Variants in FSCN3 observed in about 807,000 individuals in gnomAD.
FSCN3 encodes the protein fascin actin-bundling protein 3.
In FSCN3, 43 loss-of-function variants were observed where a neutral mutation model predicts 53.5. That is an observed-to-expected ratio of 0.80 (90% CI 0.63 to 1.04). The LOEUF is 1.04. FSCN3 is among the 50% of genes least tolerant of loss of function. The pLI is 0.00. For missense variants in FSCN3, 594 were observed against 646.5 expected (o/e 0.92, Z 0.88); for synonymous variants, 235 against 246.6 (o/e 0.95, Z 0.44).
At chr7:127,596,177 G>C in intron 2 of FSCN3, 151 bp from the exon 3 acceptor site, 1 of 1,495,788 alleles carries the variant, frequency 6.7e-7, no homozygotes, top group Non-Finnish European at 8.9e-7. Flanking sequence ...TGGGATTTAG[G>C]GGAAAGTTGC....
chr7:127,595,313 G>A lies in FSCN3; in HGVS notation c.151G>A (p.Glu51Lys). Residue 51 changes from glutamate (E) to lysine (K), a missense_variant, in exon 2 of 7, where the codon GAG becomes AAG. By Grantham distance (56) the Glu-to-Lys change is moderately conservative. Transcript: ENST00000265825. ...TCCCTCCTGATGCCTCCAGACCTGGGAGATCTTGGTGAGCAATGAGCATGA... is the reference window on the plus strand; with the variant it reads ...TCCCTCCTGATGCCTCCAGACCTGGAAGATCTTGGTGAGCAATGAGCATGA... ...AKSLGRRQTW[E>K]ILVSNEHETQ... 1 of 1,609,054 alleles carries A rather than the reference G, an allele frequency of 6.2e-7. No homozygotes were observed.
chr7:127,594,434 A>G (rs1794352522), intron 1 of FSCN3: 2 of 468,944 alleles, frequency 4.3e-6, no homozygotes, highest in South Asian at 1.6e-5. Context: ...CGCAAGGTGA[A>G]GCCTCAGCCT....
At position 127,595,870 on chromosome 7, in the gene FSCN3, T is replaced by G; in HGVS notation, c.708T>G (p.Tyr236Ter). The G allele has an allele frequency of 1.2e-6, 2 of 1,613,812 alleles. No homozygotes were observed. Among genetic ancestry groups the G allele is most frequent in the Non-Finnish European group, 1.7e-6 (2 of 1,179,838 alleles). ...ALCDGEGGML[Y>*]PQGTHLLLGM... ...GTGATGGAGAAGGAGGCATGTTATA[T>G]CCACAGGGCACGCATCTGCTCTTGG... The change falls in exon 2 of 7, where the codon TAT (tyrosine) becomes TAG (stop). Residue 236 changes from tyrosine (Y) to a stop codon, truncating the protein, a stop_gained. Transcript: ENST00000265825. LOFTEE classifies it high-confidence loss of function.
In FSCN3 at chr7:127,593,843, G is replaced by T. The variant is rs753312588; in HGVS notation, c.-11G>T. ...GGGCCAGACGGAGACATCACCTGTG[G>T]TGTCAGCCCCATGGATGAGACAGAG... On this transcript the variant is annotated 5_prime_UTR_variant, in exon 1 of 7. Transcript: ENST00000265825. 6.4e-7 allele frequency: 1 copy of T among 1,559,688 alleles called. No individual in the cohort carries two copies. Among genetic ancestry groups the T allele is most frequent in the South Asian group, 1.2e-5 (1 of 84,556 alleles).
rs758727176 is a variant in FSCN3, at chr7:127,598,540, C to CG, written c.1067dup (p.Phe357LeufsTer21). 2 of 1,613,566 alleles carry CG rather than the reference C, an allele frequency of 1.2e-6. No individual in the cohort carries two copies. Among genetic ancestry groups the CG allele is most frequent in the South Asian group, 2.2e-5 (2 of 91,054 alleles). ...GATCATCCTGCAGTCCTGCAGGGGG[C>CG]GCTTCCTGGGCATTGCACCCAACAG... On this transcript the variant is annotated frameshift_variant, in exon 4 of 7. Coordinates refer to ENST00000265825, the MANE Select transcript of FSCN3 (RefSeq NM_020369.3). LOFTEE classifies it high-confidence loss of function.
chr7:127,596,670 CAT>C (rs988756598), intron 3 of FSCN3: 20 of 316,328 alleles, frequency 6.3e-5, no homozygotes, highest in Admixed American at 1.4e-4. Flanking sequence ...ATATAATACA[CAT>C]ATGTATAAAT....
chr7:127,597,725 G>A (rs537022553), intron 3 of FSCN3, among the ~76,000 whole-genome samples: 8 of 152,074 alleles, frequency 5.3e-5, no homozygotes, highest in South Asian at 2.1e-4. Flanking sequence ...TGATCTGCCC[G>A]TGTCAGCCTC....
intron 4 of FSCN3, among the ~76,000 whole-genome samples, chr7:127,598,821 A>G (rs987513771): frequency 2.6e-5 from 4 of 152,020 alleles, no homozygotes; most frequent in African/African-American, 4.8e-5. Context: ...TTAACCAGAC[A>G]TGGTGGTGCG....
chr7:127,594,894 G>A (rs962069416), intron 1 of FSCN3: 5 of 475,618 alleles, frequency 1.1e-5, no homozygotes, highest in African/African-American at 9.9e-5. Flanking sequence ...ATGCTGGAAG[G>A]CAACCTTTGG....
chr7:127,600,059 T>G (rs1375120953), intron 5 of FSCN3, 135 bp from the exon 6 acceptor site: 10 of 622,076 alleles, frequency 1.6e-5, no homozygotes, highest in Non-Finnish European at 2.9e-6. Context: ...TGCATTTCCA[T>G]AGAAGGACCC....
intron 6 of FSCN3, 25 bp downstream of exon 6, chr7:127,600,424 G>C (rs371780754): frequency 1.4e-6 from 2 of 1,408,706 alleles, no homozygotes; most frequent in Non-Finnish European, 2.0e-6. Context: ...CAGGTAAGGG[G>C]CTAGGGGAGC....
In FSCN3 at chr7:127,595,952, A is replaced by G. The variant is rs1376348855; in HGVS notation, c.790A>G (p.Thr264Ala). The G allele has an allele frequency of 6.3e-7, 1 of 1,587,056 alleles. No individual in the cohort carries two copies. Among genetic ancestry groups the G allele is most frequent in the Admixed American group, 1.7e-5 (1 of 57,646 alleles). Residue 264 changes from threonine (T) to alanine (A), a missense_variant, in exon 2 of 7, where the codon ACC becomes GCC. By Grantham distance (58) the Thr-to-Ala change is moderately conservative. Transcript: ENST00000265825. ...EEWFILQHCP[T>A]WVSLRSKTGR... is the part of the protein sequence containing the mutation. Reference sequence around the variant, plus strand: ...GTGGTTCATCCTACAGCACTGCCCAACCTGGGTCAGCCTCAGGTCAAAGAC... The same window carrying G: ...GTGGTTCATCCTACAGCACTGCCCAGCCTGGGTCAGCCTCAGGTCAAAGAC...
chr7:127,596,003 G>C lies in FSCN3; in HGVS notation c.841G>C (p.Asp281His). Residue 281 changes from aspartate to histidine, a missense_variant and splice_region_variant, in exon 2 of 7, where the codon GAT becomes CAT. Asp to His is a moderately conservative substitution (Grantham distance 81, BLOSUM62 -1). Transcript: ENST00000265825. ...TGGGCGGTTCATCTCAGTCATCTAC[G>C]GCAAGTGCTGGACCCAACACAGATG... ...KTGRFISVIY[D>H]GEVRAASERL... The C allele has an allele frequency of 1.3e-6, 2 of 1,544,000 alleles. No individual in the cohort carries two copies. Among genetic ancestry groups the C allele is most frequent in the Non-Finnish European group, 1.7e-6 (2 of 1,145,062 alleles).
At position 127,599,541 on chromosome 7, in the gene FSCN3, C is replaced by T. The variant is rs761250404; in HGVS notation, c.1281C>T (p.Tyr427=). 1.2e-5 allele frequency: 20 copies of T among 1,613,992 alleles called. 1 individual carries two copies. In the South Asian group the frequency reaches 2.2e-4, roughly 18 times the overall value. The stretch of plus-strand genomic sequence containing the variant: ...TACTACCCTGCCGACCGGGTATCTA[C>T]CACTTCCAGGGTGAGTGGCTCCTCT... ...IHLLPCRPGI[Y]HFQAQGGSFW... The change falls in exon 5 of 7, where the codon TAC becomes TAT. Residue 427 remains tyrosine, a synonymous_variant. Transcript: ENST00000265825.
intron 3 of FSCN3, 114 bp from the exon 4 acceptor site, chr7:127,598,321 T>C: frequency 1.0e-6 from 1 of 991,560 alleles, no homozygotes; most frequent in Non-Finnish European, 1.6e-6. Flanking sequence ...TCTGGGAGCA[T>C]GAAAAAGGCT....
chr7:127,600,169 C>T (rs1794451836), intron 5 of FSCN3, 25 bp from the exon 6 acceptor site: 4 of 1,399,004 alleles, frequency 2.9e-6, no homozygotes, highest in Non-Finnish European at 3.0e-6. Context: ...GAATGGCCCA[C>T]CAACCTGAGC....
In FSCN3 at chr7:127,598,572, G is replaced by T; in HGVS notation, c.1098G>T (p.Leu366=). 6.2e-7 allele frequency: 1 copy of T among 1,611,830 alleles called. No individual in the cohort carries two copies. The highest frequency in any genetic ancestry group is 8.5e-7 in the Non-Finnish European group (1 of 1,178,644). ...TGGGCATTGCACCCAACAGCCTGCTGATGGCCAATGTCATCCTTCCAGGTG... is the reference window on the plus strand; with the variant it reads ...TGGGCATTGCACCCAACAGCCTGCTTATGGCCAATGTCATCCTTCCAGGTG... ...RFLGIAPNSL[L]MANVILPGPN... is the part of the protein sequence containing the mutation. Residue 366 remains leucine, a synonymous_variant, in exon 4 of 7, where the codon CTG becomes CTT. Coordinates refer to ENST00000265825, the MANE Select transcript of FSCN3 (RefSeq NM_020369.3).
rs1286912605 is a variant in FSCN3 at position 127,599,454 on chromosome 7, G to A, written c.1194G>A (p.Val398=). ...FLVLRGRYGY[V]GSSSGHDLIQ... The stretch of plus-strand genomic sequence containing the variant: ...TATTGCGAGGTCGTTATGGCTATGT[G>A]GGCTCCTCATCGGGCCATGACCTCA... Residue 398 remains valine (V), a synonymous_variant, in exon 5 of 7, where the codon GTG becomes GTA. Transcript: ENST00000265825. The A allele has an allele frequency of 2.7e-5, 43 of 1,613,828 alleles. No homozygotes were observed. The highest frequency in any genetic ancestry group is 1.6e-4 in the Middle Eastern group (1 of 6,082).
chr7:127,595,773 G>A lies in FSCN3; in HGVS notation c.611G>A (p.Arg204Gln), dbSNP rs375579642. The A allele has an allele frequency of 3.1e-5, 50 of 1,613,804 alleles. No individual in the cohort carries two copies. The highest frequency in any genetic ancestry group is 5.0e-5 in the Admixed American group (3 of 59,996). The change falls in exon 2 of 7, where the codon CGG becomes CAG. Residue 204 changes from arginine (R) to glutamine (Q), a missense_variant. Physicochemically the swap from Arg to Gln is conservative, Grantham distance 43. Coordinates refer to ENST00000265825, the MANE Select transcript of FSCN3 (RefSeq NM_020369.3). The stretch of plus-strand genomic sequence containing the variant: ...CACCACTTCTTGTCCCATGTAGACC[G>A]GCTGTTCTCCCAACCCTCATCACAG... ...STHHFLSHVDRLFSQPSSQTA... is the reference protein window; with the variant it reads ...STHHFLSHVDQLFSQPSSQTA...
Sources: gnomAD v4.1 joint callset for allele counts (sites outside exome capture counted in the v4.1 genomes callset) on GRCh38, gnomAD v4.1.1 for gene constraint, MANE v1.5 for transcripts, NCBI Gene and HGNC (gene_info 2026-07-23, HGNC 2026-07-21) for gene names.